The following CELF2 variants were observed in gnomAD, a reference collection of about 807,000 sequenced individuals.
CELF2 encodes CUGBP Elav-like family member 2.
CELF2 carries 8 observed loss-of-function variants against 62.6 expected under a neutral mutation model. That is an observed-to-expected ratio of 0.13 (90% CI 0.07 to 0.23). The LOEUF (loss-of-function observed/expected upper bound fraction) is 0.23. Among genes scored for constraint, CELF2 ranks in the 10% least tolerant of loss-of-function variants. The probability of loss-of-function intolerance (pLI) is 1.00; values close to 1 mark genes in which losing one functional copy is unlikely to be tolerated. For synonymous variants in CELF2, 258 were observed against 250.0 expected, an observed-to-expected ratio of 1.03 and a Z score of -0.30; for missense variants, 333 against 671.0, an observed-to-expected ratio of 0.50 and a Z score of 5.56.
intron 1 of CELF2, among the ~76,000 whole-genome samples, chr10:11,083,093 G>T (rs188045291): frequency 2.0e-5 from 3 of 152,220 alleles, no homozygotes; most frequent in Admixed American, 1.3e-4. Context: ...AGGACACAGT[G>T]CATCCTTCGG....
At position 11,214,114 on chromosome 10, in the gene CELF2, A is replaced by G. The variant is rs546992772; in HGVS notation, c.272-3311A>G. Among the ~76,000 whole-genome samples the G allele has an allele frequency of 1.3e-5, 2 of 152,162 alleles. No individual in the cohort carries two copies. Among genetic ancestry groups the G allele is most frequent in the South Asian group, 2.1e-4 (1 of 4,816 alleles). On this transcript the variant is annotated intron_variant, in intron 2 of 12. Coordinates refer to ENST00000633077, the MANE Select transcript of CELF2 (RefSeq NM_001326342.2). This position sits in a 1 kb window ranked among gnomAD's most constrained non-coding sequence, Gnocchi z 4.2. ...GCCTGGGCAACATAGTGGGACCCCT[A>G]TCTCTACAAAAATGTAAAAAGTAGT...
At chr10:11,005,239 G>A, upstream of CELF2, 1 of 1,455,644 alleles carries the variant, frequency 6.9e-7, no homozygotes, top group East Asian at 2.3e-5. This position sits in a 1 kb window ranked among gnomAD's most constrained non-coding sequence, Gnocchi z 4.3. Context: ...AAGAGAGTGG[G>A]AAGACAGAGA....
the CELF2 span, among the ~76,000 whole-genome samples, chr10:10,515,613 G>A: frequency 9.2e-5 from 14 of 152,052 alleles, no homozygotes; most frequent in South Asian, 2.1e-4. Context: ...TATTATCCCC[G>A]TTAACGCCAC....
At chr10:10,605,686 C>A in the CELF2 span, among the ~76,000 whole-genome samples, 1 of 152,134 alleles carries the variant, frequency 6.6e-6, no homozygotes, top group African/African-American at 2.4e-5. Context: ...TGAGAAGAGT[C>A]CAGGAAATGA....
At chr10:10,885,384 G>A (rs990940948) in intron 1 of CELF2, among the ~76,000 whole-genome samples, 1 of 151,788 alleles carries the variant, frequency 6.6e-6, no homozygotes, top group Non-Finnish European at 1.5e-5. Flanking sequence ...TAAAAATTAT[G>A]TGAGAAATAT....
chr10:10,698,510 A>G, the CELF2 span, among the ~76,000 whole-genome samples: 11 of 152,364 alleles, frequency 7.2e-5, no homozygotes, highest in African/African-American at 2.2e-4. Flanking sequence ...TTTCATCTAC[A>G]AAATTACATA....
At chr10:10,657,663 A>G in the CELF2 span, among the ~76,000 whole-genome samples, 1 of 152,178 alleles carries the variant, frequency 6.6e-6, no homozygotes, top group East Asian at 1.9e-4. Flanking sequence ...AATACTACAC[A>G]TGCCTTAAGG....
chr10:11,264,890 C>G (rs1466933522), intron 5 of CELF2, among the ~76,000 whole-genome samples: 4 of 152,230 alleles, frequency 2.6e-5, no homozygotes, highest in Non-Finnish European at 5.9e-5. Flanking sequence ...AGCTGAACTT[C>G]ATTCAGGCTT....
the CELF2 span, among the ~76,000 whole-genome samples, chr10:10,602,604 G>A: frequency 6.6e-6 from 1 of 152,156 alleles, no homozygotes; most frequent in Non-Finnish European, 1.5e-5. Context: ...CAGACGTGGT[G>A]ATCAGATGTT....
At position 11,321,519 on chromosome 10, in the gene CELF2, TAAAA is replaced by T; in HGVS notation, c.1294+144_1294+147del. On this transcript the variant is annotated intron_variant, in intron 11 of 12. Transcript: ENST00000633077. The surrounding 1 kb of genome is among the most constrained non-coding windows in gnomAD (Gnocchi z 6.2). ...AAGCAGTTGTTTTGTTATTCATGTT[TAAAA>T]AAAAAAAAAACTGAAAGCTGGGCAT... 1.7e-6 allele frequency: 1 copy of T among 572,248 alleles called. No individual in the cohort carries two copies. Among genetic ancestry groups the T allele is most frequent in the East Asian group, 3.0e-5 (1 of 32,882 alleles). 35.4% of individuals were successfully genotyped at this position (572,248 alleles called of 1,614,324 possible).
At chr10:10,488,780 G>A in the CELF2 span, among the ~76,000 whole-genome samples, 4 of 152,008 alleles carry the variant, frequency 2.6e-5, no homozygotes, top group African/African-American at 7.2e-5. Flanking sequence ...GCAAATTAAC[G>A]TAGATGTTAA....
the CELF2 span, among the ~76,000 whole-genome samples, chr10:10,558,123 G>A: frequency 6.6e-6 from 1 of 152,022 alleles, no homozygotes; most frequent in Non-Finnish European, 1.5e-5. Context: ...AGTTTTCAAA[G>A]GGAATGCTTC....
chr10:11,133,351 GCT>G (rs1564877505), intron 1 of CELF2, among the ~76,000 whole-genome samples: 1 of 152,092 alleles, frequency 6.6e-6, no homozygotes, highest in Non-Finnish European at 1.5e-5. Context: ...TTCAAATACT[GCT>G]CTCTCTCCCA....
intron 2 of CELF2, chr10:10,952,255 C>A (rs1163208879): frequency 6.6e-6 from 1 of 152,224 alleles, no homozygotes; most frequent in Non-Finnish European, 1.5e-5. Context: ...TCCTTCCCCC[C>A]TGAAGTTCCG....
At chr10:10,570,012 T>G in the CELF2 span, among the ~76,000 whole-genome samples, 13 of 152,256 alleles carry the variant, frequency 8.5e-5, no homozygotes, top group African/African-American at 2.4e-4. Context: ...GAGAGTGCAC[T>G]GGCTTCCCAA....
chr10:10,632,702 TA>T, the CELF2 span, among the ~76,000 whole-genome samples: 1 of 152,216 alleles, frequency 6.6e-6, no homozygotes, highest in African/African-American at 2.4e-5. Context: ...ATATTTAAGT[TA>T]TTTTAGTAGA....
intron 2 of CELF2, among the ~76,000 whole-genome samples, chr10:10,921,469 A>G (rs928105572): frequency 1.4e-5 from 2 of 148,020 alleles, no homozygotes; most frequent in African/African-American, 2.5e-5. Context: ...GGGTTTCACC[A>G]TGTTGGCCAG....
intron 2 of CELF2, among the ~76,000 whole-genome samples, chr10:10,985,744 A>G (rs370732913): frequency 6.6e-6 from 1 of 152,130 alleles, no homozygotes; most frequent in South Asian, 2.1e-4. Context: ...TGGGTTTCTC[A>G]TTCTCTCCTT....
the CELF2 span, among the ~76,000 whole-genome samples, chr10:10,591,724 G>T: frequency 6.6e-6 from 1 of 152,104 alleles, no homozygotes; most frequent in East Asian, 1.9e-4. Flanking sequence ...TCCATGAATG[G>T]GAATCTGTGG....
Sources: allele counts gnomAD v4.1 joint callset (sites outside exome capture counted in the v4.1 genomes callset), GRCh38; gene constraint gnomAD v4.1.1; non-coding constraint Gnocchi (gnomAD v3.1); transcripts MANE v1.5; gene names NCBI Gene and HGNC (gene_info 2026-07-23, HGNC 2026-07-21).